Variants in SCN3A observed in about 807,000 individuals in gnomAD.
SCN3A encodes the protein sodium channel protein type 3 subunit alpha.
A neutral mutation model predicts 187.6 loss-of-function variants in SCN3A; 60 were observed. The observed-to-expected ratio is 0.32, with a 90% confidence interval of 0.26 to 0.40. SCN3A has a LOEUF of 0.40. Ranked by LOEUF, SCN3A falls within the 10% of genes least tolerant of loss-of-function variation. SCN3A has a pLI of 1.00. For synonymous variants in SCN3A, 788 were observed against 829.2 expected, an observed-to-expected ratio of 0.95 and a Z score of 0.85; for missense variants, 1,601 against 2,428.2, an observed-to-expected ratio of 0.66 and a Z score of 7.16.
chr2:165,170,584 G>T lies in SCN3A; in HGVS notation c.265-36C>A, dbSNP rs1393835120. 5.7e-6 allele frequency: 7 copies of T among 1,224,776 alleles called. No individual in the cohort carries two copies. The Admixed American group carries it at 1.2e-4, about 21-fold the overall frequency. The allele number at this position is 1,224,776 out of a possible 1,614,324, so 75.9% of individuals were successfully genotyped here. A position where few individuals can be genotyped will look rare whatever the true frequency, so the allele number is the denominator to read the frequency against. ...AAATACGAGTAAAATTACTAAATTA[G>T]ACATGGGCTTATTTAAAGAGCTTAC... On this transcript the variant is annotated intron_variant, in intron 3 of 27. Coordinates refer to ENST00000283254, the MANE Select transcript of SCN3A (RefSeq NM_006922.4).
Position 165,176,193 on chromosome 2 carries a change from T to A in SCN3A, c.202A>T (p.Ile68Phe), listed in dbSNP as rs1294901189. The A allele has an allele frequency of 6.2e-7, 1 of 1,614,114 alleles. No homozygotes were observed. Among genetic ancestry groups the A allele is most frequent in the East Asian group, 2.2e-5 (1 of 44,884 alleles). The change falls in exon 3 of 28, where the codon ATT becomes TTT. Residue 68 changes from isoleucine (I) to phenylalanine (F), a missense_variant. By Grantham distance (21) the Ile-to-Phe change is conservative. Coordinates refer to ENST00000283254, the MANE Select transcript of SCN3A (RefSeq NM_006922.4). ...GKNLPFIYGD[I>F]PPEMVSEPLE... is the part of the protein sequence containing the mutation. ...GGCTCTGACACCATCTCTGGAGGAA[T>A]GTCTCCATAAATAAATGGAAGGTTC... is the stretch of plus-strand genomic sequence containing the variant.
chr2:165,137,690 A>C (rs1185935410), intron 15 of SCN3A, among the ~76,000 whole-genome samples, 189 bp downstream of exon 15: 1 of 152,140 alleles, frequency 6.6e-6, no homozygotes, highest in Non-Finnish European at 1.5e-5. Flanking sequence ...TGGCCTAAAC[A>C]ATCAGCATTC....
chr2:165,146,621 G>T, intron 12 of SCN3A, 118 bp downstream of exon 12: 2 of 995,168 alleles, frequency 2.0e-6, no homozygotes, highest in Non-Finnish European at 3.1e-6. Context: ...TATATTAAAT[G>T]TTAGTTCCCT....
chr2:165,155,742 CA>C lies in SCN3A; in HGVS notation c.1173+19del, dbSNP rs1285420909. On this transcript the variant is annotated intron_variant, in intron 10 of 27. Transcript: ENST00000283254. ...CATGTCTATAAAAATAAATGTTATGCATGCTCATTTGGACCTTACCAACTGG... is the reference window on the plus strand; with the variant it reads ...CATGTCTATAAAAATAAATGTTATGCTGCTCATTTGGACCTTACCAACTGG... The C allele has an allele frequency of 2.5e-6, 4 of 1,613,346 alleles. No individual in the cohort carries two copies. The East Asian group carries it at 8.9e-5, about 36-fold the overall frequency.
At chr2:165,150,851 T>C (rs1688648313) in intron 11 of SCN3A, among the ~76,000 whole-genome samples, 2 of 152,304 alleles carry the variant, frequency 1.3e-5, no homozygotes, top group South Asian at 4.1e-4. Flanking sequence ...AATACAATCA[T>C]ATGCAATTTA....
chr2:165,127,282 G>A (rs1030702624), intron 18 of SCN3A, among the ~76,000 whole-genome samples: 61 of 151,934 alleles, frequency 4.0e-4, no homozygotes, highest in Middle Eastern at 3.4e-3. Context: ...GGCTGGCCTC[G>A]AACTCCTGGG....
At chr2:165,139,234 T>C (rs967088949) in intron 14 of SCN3A, among the ~76,000 whole-genome samples, 7 of 152,170 alleles carry the variant, frequency 4.6e-5, no homozygotes, top group Admixed American at 1.3e-4. Context: ...TAAATCCTCA[T>C]TGATATAATA....
At chr2:165,120,540 G>A (rs1686602926) in intron 18 of SCN3A, among the ~76,000 whole-genome samples, 1 of 151,826 alleles carries the variant, frequency 6.6e-6, no homozygotes, top group Non-Finnish European at 1.5e-5. Flanking sequence ...ACTGCTGTAT[G>A]ATTCAAGAGG....
Position 165,154,508 on chromosome 2 carries a change from C to T in SCN3A, c.1324G>A (p.Glu442Lys). 6.2e-7 allele frequency: 1 copy of T among 1,614,146 alleles called. No homozygotes were observed. ...TCGAGCATCTGCTGAAATTCGGCCT[C>T]TTTTTGTTCTGCTTCTTCCAAGGTG... ...QATLEEAEQK[E>K]AEFQQMLEQL... The change falls in exon 11 of 28, where the codon GAG (glutamate) becomes AAG (lysine). Residue 442 changes from glutamate to lysine, a missense_variant. By Grantham distance (56) the Glu-to-Lys change is moderately conservative (BLOSUM62 1). This residue lies in a region of SCN3A where 376 missense variants were observed against 476.0 expected (regional missense o/e 0.79). Transcript: ENST00000283254.
Position 165,146,980 on chromosome 2 carries a change from C to A in SCN3A, c.1430G>T (p.Gly477Val). ...AASRDFSGIG[G>V]LGELLESSSE... ...AGAACTTTCCAACAGCTCTCCTAAC[C>A]CACCTATTCCACTGAAATCTCTTGA... Residue 477 changes from glycine (G) to valine (V), a missense_variant, in exon 12 of 28, where the codon GGG becomes GTG. Physicochemically the swap from Gly to Val is moderately radical, Grantham distance 109. Around this residue, in one of 11 missense-constraint regions of SCN3A, gnomAD observed 376 missense variants for 476.0 expected, o/e 0.79. Coordinates refer to ENST00000283254, the MANE Select transcript of SCN3A (RefSeq NM_006922.4). The A allele has an allele frequency of 6.2e-7, 1 of 1,614,068 alleles. No homozygotes were observed. The highest frequency in any genetic ancestry group is 8.5e-7 in the Non-Finnish European group (1 of 1,179,960).
At chr2:165,121,071 T>G (rs1395037760) in intron 18 of SCN3A, among the ~76,000 whole-genome samples, 4 of 152,084 alleles carry the variant, frequency 2.6e-5, no homozygotes, top group African/African-American at 9.7e-5. Context: ...TTAATTTTTT[T>G]TTTTTTCAGC....
At chr2:165,122,547 A>T (rs1686757417) in intron 18 of SCN3A, among the ~76,000 whole-genome samples, 2 of 152,324 alleles carry the variant, frequency 1.3e-5, no homozygotes, top group East Asian at 3.9e-4. Context: ...CATGTTTTAA[A>T]ATAGATATTA....
At chr2:165,147,282 T>G (rs1027198632) in intron 11 of SCN3A, among the ~76,000 whole-genome samples, 4 of 88,422 alleles carry the variant, frequency 4.5e-5, no homozygotes, top group African/African-American at 1.4e-4. Flanking sequence ...TGTCTTTTTT[T>G]TGGGGGGGGG....
In SCN3A at chr2:165,130,563, C is replaced by T. The variant is rs1015725823; in HGVS notation, c.2566-267G>A. The T allele has an allele frequency of 9.0e-6, 4 of 442,082 alleles. No individual in the cohort carries two copies. The East Asian group carries it at 1.2e-4, about 14-fold the overall frequency. The allele number at this position is 442,082 out of a possible 1,614,324, so 27.4% of individuals were successfully genotyped here. On this transcript the variant is annotated intron_variant, in intron 16 of 27. Coordinates refer to ENST00000283254, the MANE Select transcript of SCN3A (RefSeq NM_006922.4). ...TTTCTGATTCATCCAAAGATATGCC[C>T]ATGTAAACAAATGGTATTTTGATTA... is the stretch of plus-strand genomic sequence containing the variant.
chr2:165,184,197 G>A (rs906057054), intron 2 of SCN3A, among the ~76,000 whole-genome samples: 1 of 151,972 alleles, frequency 6.6e-6, no homozygotes, highest in Admixed American at 6.6e-5. Context: ...ATAACCACTG[G>A]ACACATTCCA....
intron 12 of SCN3A, among the ~76,000 whole-genome samples, chr2:165,144,776 A>G (rs890212972): frequency 6.6e-6 from 1 of 152,072 alleles, no homozygotes; most frequent in African/African-American, 2.4e-5. Context: ...TCTCCTTTGG[A>G]AAAAATTTCC....
At chr2:165,167,728 TC>T (rs1198952658) in intron 5 of SCN3A, among the ~76,000 whole-genome samples, 1 of 152,140 alleles carries the variant, frequency 6.6e-6, no homozygotes, top group Non-Finnish European at 1.5e-5. Context: ...TGCACAGTTT[TC>T]CCCAGCATAT....
intron 1 of SCN3A, among the ~76,000 whole-genome samples, chr2:165,203,258 G>T (rs1411262248): frequency 6.6e-6 from 1 of 151,864 alleles, no homozygotes; most frequent in Non-Finnish European, 1.5e-5. Flanking sequence ...TTTTTTGAAG[G>T]TTCAACCTCT....
At chr2:165,156,467 T>C (rs1185283386) in intron 9 of SCN3A, among the ~76,000 whole-genome samples, 8 of 125,716 alleles carry the variant, frequency 6.4e-5, no homozygotes, top group Non-Finnish European at 1.1e-4. Flanking sequence ...GAGCCGATAT[T>C]GTGCCATTGC....
Sources: gnomAD v4.1 joint callset for allele counts (sites outside exome capture counted in the v4.1 genomes callset) on GRCh38, gnomAD v4.1.1 for gene constraint, gnomAD v4.1.1 regional missense constraint, MANE v1.5 for transcripts, NCBI Gene and HGNC (gene_info 2026-07-23, HGNC 2026-07-21) for gene names.